The following SGMS1 variants were observed in gnomAD, a reference collection of about 807,000 sequenced individuals.
SGMS1 encodes phosphatidylcholine:ceramide cholinephosphotransferase 1.
Under a neutral mutation model 46.2 loss-of-function variants are expected in SGMS1, and 13 were observed. The observed-to-expected ratio is 0.28, with a 90% CI of 0.18 to 0.45. SGMS1 has a LOEUF of 0.45. SGMS1 is among the 20% of genes least tolerant of loss of function. The probability of loss-of-function intolerance (pLI) is 1.00; values close to 1 mark genes in which losing one functional copy is unlikely to be tolerated. For synonymous variants in SGMS1, 203 were observed against 187.8 expected (o/e 1.08, Z -0.66); for missense variants, 324 against 519.9 (o/e 0.62, Z 3.66).
rs1415958432 is a variant in SGMS1 at position 50,587,631 on chromosome 10, A to ATGTGTGTGTGTGTGTGTG, written c.-589+2521_-589+2522insCACACACACACACACACA. ...AGAGCAAGACTGCATCTCAAAATAT[A>ATGTGTGTGTGTGTGTGTG]TATGTGTGTGTGTGTGTGTGTGTGT... On this transcript the variant is annotated intron_variant, in intron 2 of 10. Transcript: ENST00000361781. 3.6e-4 allele frequency among the ~76,000 whole-genome samples: 43 copies of ATGTGTGTGTGTGTGTGTG among 118,716 alleles called. 1 individual carries two copies. Among genetic ancestry groups the ATGTGTGTGTGTGTGTGTG allele is most frequent in the South Asian group, 5.9e-4 (2 of 3,382 alleles). 77.9% of individuals were successfully genotyped at this position (118,716 alleles called of 152,430 possible). A position where few individuals can be genotyped will look rare whatever the true frequency, so the allele number is the denominator to read the frequency against.
intron 3 of SGMS1, among the ~76,000 whole-genome samples, chr10:50,494,152 G>A (rs1837590524): frequency 2.6e-5 from 4 of 152,188 alleles, no homozygotes; most frequent in African/African-American, 9.7e-5. Flanking sequence ...AGGTTCTAGA[G>A]AAAAAAGAAT....
chr10:50,336,425 G>C (rs1031928798), intron 7 of SGMS1, among the ~76,000 whole-genome samples: 1 of 152,244 alleles, frequency 6.6e-6, no homozygotes, highest in South Asian at 2.1e-4. Context: ...GTAGTGAGTA[G>C]GGCCCATTCC....
At chr10:50,475,011 AT>A (rs934375988) in intron 3 of SGMS1, among the ~76,000 whole-genome samples, 1 of 152,224 alleles carries the variant, frequency 6.6e-6, no homozygotes, top group Admixed American at 6.5e-5. Flanking sequence ...CTCCAAAAGC[AT>A]TTTTTTAAAT....
At chr10:50,317,685 T>C (rs145173970) in intron 8 of SGMS1, among the ~76,000 whole-genome samples, 1 of 152,382 alleles carries the variant, frequency 6.6e-6, no homozygotes, top group African/African-American at 2.4e-5. Context: ...ATATGTCATT[T>C]ATTAATACAC....
chr10:50,584,978 G>T (rs986558145), intron 2 of SGMS1, among the ~76,000 whole-genome samples: 4 of 152,130 alleles, frequency 2.6e-5, no homozygotes, highest in African/African-American at 9.7e-5. Flanking sequence ...GTCACTCACA[G>T]CCCCAGTGTC....
chr10:50,450,975 TAAC>T (rs1326562070), intron 5 of SGMS1, among the ~76,000 whole-genome samples: 1 of 148,056 alleles, frequency 6.8e-6, no homozygotes, highest in Admixed American at 6.8e-5. Context: ...GAACAAAAAA[TAAC>T]AAATAGTGGA....
chr10:50,470,138 T>A (rs1016895779), intron 3 of SGMS1, among the ~76,000 whole-genome samples: 2 of 152,140 alleles, frequency 1.3e-5, no homozygotes, highest in African/African-American at 4.8e-5. Context: ...CACCCTATTA[T>A]TAGAGTTCAG....
At position 50,492,273 on chromosome 10, in the gene SGMS1, T is replaced by C. The variant is rs375365275; in HGVS notation, c.-497-25341A>G. Among the ~76,000 whole-genome samples, 11 of 152,328 alleles carry C rather than the reference T, an allele frequency of 7.2e-5. No homozygotes were observed. In the East Asian group the frequency reaches 2.1e-3, roughly 29 times the overall value. On this transcript the variant is annotated intron_variant, in intron 3 of 10. Coordinates refer to ENST00000361781, the MANE Select transcript of SGMS1 (RefSeq NM_147156.4). ...AAACTGCCACAAGGCAAAGATGCCCTGTCTCACCACTCCTATTCAACATAG... is the reference window on the plus strand; with the variant it reads ...AAACTGCCACAAGGCAAAGATGCCCCGTCTCACCACTCCTATTCAACATAG...
At chr10:50,314,739 A>G (rs945855247) in intron 8 of SGMS1, among the ~76,000 whole-genome samples, 1 of 152,044 alleles carries the variant, frequency 6.6e-6, no homozygotes, top group Admixed American at 6.5e-5. Context: ...CCTGGGCAAC[A>G]TGGCGAGACT....
At chr10:50,442,057 T>G (rs1379923889) in intron 5 of SGMS1, among the ~76,000 whole-genome samples, 2 of 152,164 alleles carry the variant, frequency 1.3e-5, no homozygotes, top group Admixed American at 6.5e-5. Context: ...TATTTTTTTA[T>G]TTTTTTAATT....
chr10:50,408,431 TA>T (rs71029307), intron 6 of SGMS1, among the ~76,000 whole-genome samples: 12,051 of 95,162 alleles, frequency 0.13, 354 homozygotes, highest in Middle Eastern at 0.27. Context: ...CCTCATCTCT[TA>T]AAAAAAAAAA....
At chr10:50,480,462 A>T (rs74132735) in intron 3 of SGMS1, among the ~76,000 whole-genome samples, 9,861 of 151,934 alleles carry the variant, frequency 0.065, 1,071 homozygotes, top group African/African-American at 0.22. Flanking sequence ...ACTGGGACTG[A>T]CTAGGTAGTT....
At chr10:50,540,330 C>A (rs531128508) in intron 2 of SGMS1, among the ~76,000 whole-genome samples, 2 of 152,068 alleles carry the variant, frequency 1.3e-5, no homozygotes, top group South Asian at 4.1e-4. Flanking sequence ...GCTCGTCTGG[C>A]AGGTAAAAAA....
intron 6 of SGMS1, among the ~76,000 whole-genome samples, chr10:50,383,557 T>C (rs1848638767): frequency 6.6e-6 from 1 of 152,148 alleles, no homozygotes; most frequent in Non-Finnish European, 1.5e-5. Flanking sequence ...ATGACCTTTA[T>C]AATCTGGAGA....
At chr10:50,351,854 T>C (rs1163437479) in intron 6 of SGMS1, among the ~76,000 whole-genome samples, 1 of 152,180 alleles carries the variant, frequency 6.6e-6, no homozygotes, top group Non-Finnish European at 1.5e-5. Flanking sequence ...GAGGATTCAA[T>C]CATGTAAAAG....
At chr10:50,500,153 G>A (rs761600017) in intron 3 of SGMS1, among the ~76,000 whole-genome samples, 1 of 152,168 alleles carries the variant, frequency 6.6e-6, no homozygotes, top group Admixed American at 6.5e-5. Flanking sequence ...GGGTGACAGA[G>A]CGGGACTCCA....
upstream of SGMS1, chr10:50,624,660 G>C (rs1226937675): frequency 7.1e-5 from 70 of 985,330 alleles, no homozygotes; most frequent in East Asian, 1.1e-4. Context: ...GCTAGGCCGG[G>C]GTCGGAGCCC....
intron 1 of SGMS1, among the ~76,000 whole-genome samples, chr10:50,599,483 T>G (rs1838628766): frequency 6.6e-6 from 1 of 151,322 alleles, no homozygotes; most frequent in Non-Finnish European, 1.5e-5. Context: ...TTTTTTTTAC[T>G]TGTCCTACTT....
chr10:50,394,181 T>C (rs1042444832), intron 6 of SGMS1, among the ~76,000 whole-genome samples: 2 of 152,260 alleles, frequency 1.3e-5, no homozygotes, highest in Non-Finnish European at 2.9e-5. Context: ...CTTGTGATGT[T>C]TTCCTTTGGC....
Sources: gnomAD v4.1 joint callset for allele counts (sites outside exome capture counted in the v4.1 genomes callset) on GRCh38, gnomAD v4.1.1 for gene constraint, MANE v1.5 for transcripts, NCBI Gene and HGNC (gene_info 2026-07-23, HGNC 2026-07-21) for gene names.